CSMD1: variants seen among roughly 807,000 people sequenced by gnomAD.
CSMD1 encodes CUB and sushi domain-containing protein 1.
In CSMD1, 213 loss-of-function variants were observed where a neutral mutation model predicts 417.5. The observed-to-expected ratio is 0.51, with a 90% CI of 0.46 to 0.57. The LOEUF is 0.57. CSMD1 is among the 20% of genes least tolerant of loss of function. The probability of loss-of-function intolerance (pLI) is 0.00; values close to 1 mark genes in which losing one functional copy is unlikely to be tolerated. For synonymous variants in CSMD1, 2,862 were observed against 1,736.8 expected, an observed-to-expected ratio of 1.65 and a Z score of -16.11; for missense variants, 6,923 against 4,529.7, an observed-to-expected ratio of 1.53 and a Z score of -15.17.
intron 1 of CSMD1, among the ~76,000 whole-genome samples, chr8:4,984,615 T>A (rs560839229): frequency 6.6e-6 from 1 of 152,238 alleles, no homozygotes; most frequent in African/African-American, 2.4e-5. Context: ...CCTCCATTAT[T>A]TGACATAGAT....
chr8:3,481,429 G>A (rs138242570), intron 11 of CSMD1, among the ~76,000 whole-genome samples: 1 of 152,240 alleles, frequency 6.6e-6, no homozygotes, highest in East Asian at 1.9e-4. Flanking sequence ...AAGGGGTAAA[G>A]GGCCCTAAAT....
chr8:4,640,769 G>C (rs560576556), intron 1 of CSMD1, among the ~76,000 whole-genome samples: 1 of 150,914 alleles, frequency 6.6e-6, no homozygotes, highest in Non-Finnish European at 1.5e-5. Flanking sequence ...ATTTCTTCAG[G>C]GCAATAAAAT....
At chr8:4,831,231 G>T (rs1048525875) in intron 1 of CSMD1, among the ~76,000 whole-genome samples, 2 of 152,192 alleles carry the variant, frequency 1.3e-5, no homozygotes, top group Non-Finnish European at 2.9e-5. Context: ...CTGACAAAAA[G>T]AGGGAGAATT....
intron 2 of CSMD1, among the ~76,000 whole-genome samples, chr8:4,560,249 T>A (rs987680776): frequency 6.6e-6 from 1 of 152,254 alleles, no homozygotes; most frequent in African/African-American, 2.4e-5. Flanking sequence ...CCTGCCAAAG[T>A]AATTTCACAA....
intron 3 of CSMD1, among the ~76,000 whole-genome samples, chr8:4,315,737 A>T (rs997277699): frequency 2.0e-5 from 3 of 152,216 alleles, no homozygotes; most frequent in African/African-American, 7.2e-5. Context: ...TGCAAAAAAG[A>T]AACTGAATGA....
At chr8:3,348,461 G>T (rs548879057) in intron 21 of CSMD1, among the ~76,000 whole-genome samples, 114 of 152,182 alleles carry the variant, frequency 7.5e-4, no homozygotes, top group Non-Finnish European at 1.2e-3. Flanking sequence ...CCAGCACCAT[G>T]GCTCACTGGC....
intron 1 of CSMD1, among the ~76,000 whole-genome samples, chr8:4,799,123 G>T (rs1010589678): frequency 6.6e-6 from 1 of 152,246 alleles, no homozygotes; most frequent in Non-Finnish European, 1.5e-5. Flanking sequence ...ACGCCCCTGG[G>T]ATCTTGATCA....
rs530647362 is a variant in CSMD1 at position 4,532,412 on chromosome 8, G to T, written c.302+104930C>A. On this transcript the variant is annotated intron_variant, in intron 2 of 69. Coordinates refer to ENST00000635120, the MANE Select transcript of CSMD1 (RefSeq NM_033225.6). ...TCCTGCACCCCCATTCAGTCACTCC[G>T]GAAAATAAATCCTGCACCTTCATTC... 2.2e-5 allele frequency among the ~76,000 whole-genome samples: 3 copies of T among 138,596 alleles called. No individual in the cohort carries two copies. The East Asian group carries it at 6.7e-4, about 31-fold the overall frequency. The allele number at this position is 138,596 out of a possible 152,430, so 90.9% of individuals were successfully genotyped here. A position where few individuals can be genotyped will look rare whatever the true frequency, so the allele number is the denominator to read the frequency against.
At chr8:4,295,773 TATATATATATATATAC>T (rs1313977104) in intron 3 of CSMD1, among the ~76,000 whole-genome samples, 153 of 42,214 alleles carry the variant, frequency 3.6e-3, no homozygotes, top group East Asian at 0.011. Flanking sequence ...TATATATATA[TATATATATATATATAC>T]ACACACACAT....
At chr8:4,931,526 G>T (rs914600643) in intron 1 of CSMD1, among the ~76,000 whole-genome samples, 3 of 152,048 alleles carry the variant, frequency 2.0e-5, no homozygotes, top group Admixed American at 6.6e-5. Flanking sequence ...ACCATCCAAC[G>T]CAAGGTGACT....
In CSMD1 at chr8:3,720,419, T is replaced by C. The variant is rs192283358; in HGVS notation, c.932-11928A>G. On this transcript the variant is annotated intron_variant, in intron 6 of 69. Transcript: ENST00000635120. ...AGCTGTCCAGGCACAACAACCTCAC[T>C]GTAAACTATTTCCTTTAAGCACTTC... Among the ~76,000 whole-genome samples the C allele has an allele frequency of 9.2e-5, 14 of 152,318 alleles. No homozygotes were observed. The East Asian group carries it at 2.3e-3, about 25-fold the overall frequency.
intron 2 of CSMD1, among the ~76,000 whole-genome samples, chr8:4,624,618 C>T (rs1801990275): frequency 6.6e-6 from 1 of 152,184 alleles, no homozygotes. Context: ...GGACACGCCT[C>T]ACATTTTTGC....
intron 5 of CSMD1, among the ~76,000 whole-genome samples, chr8:3,979,802 T>A (rs1422186441): frequency 1.3e-5 from 2 of 152,214 alleles, no homozygotes; most frequent in East Asian, 3.9e-4. Flanking sequence ...GGTATCTTGT[T>A]ATGACAATAC....
chr8:4,353,392 C>G (rs146907333), intron 3 of CSMD1, among the ~76,000 whole-genome samples: 1 of 152,150 alleles, frequency 6.6e-6, no homozygotes, highest in African/African-American at 2.4e-5. Context: ...CCGTGTGGAA[C>G]TGTGAGTCCA....
At chr8:4,083,511 G>T (rs377666013) in intron 3 of CSMD1, among the ~76,000 whole-genome samples, 1 of 152,140 alleles carries the variant, frequency 6.6e-6, no homozygotes, top group African/African-American at 2.4e-5. Context: ...CAATGGAACA[G>T]AACACAGCCT....
At chr8:3,533,146 G>C (rs1798049978) in intron 10 of CSMD1, among the ~76,000 whole-genome samples, 1 of 152,118 alleles carries the variant, frequency 6.6e-6, no homozygotes, top group Admixed American at 6.5e-5. Flanking sequence ...TGCAGAGGAA[G>C]AAATTTAAAG....
intron 5 of CSMD1, among the ~76,000 whole-genome samples, chr8:3,906,559 T>C (rs1320964719): frequency 6.6e-6 from 1 of 150,644 alleles, no homozygotes; most frequent in Non-Finnish European, 1.5e-5. Flanking sequence ...GGCAGAAATA[T>C]AAGCTGTACC....
At chr8:3,183,082 G>A (rs866924591) in intron 36 of CSMD1, 2 of 151,840 alleles carry the variant, frequency 1.3e-5, no homozygotes, top group East Asian at 1.9e-4. Context: ...TAAACATGAA[G>A]TGTGTCGAAC....
At chr8:4,438,819 C>A (rs1269737759) in intron 2 of CSMD1, among the ~76,000 whole-genome samples, 1 of 152,184 alleles carries the variant, frequency 6.6e-6, no homozygotes, top group Non-Finnish European at 1.5e-5. Context: ...TATTCAAGAT[C>A]TAATTCTCAA....
Sources: gnomAD v4.1 joint callset for allele counts (sites outside exome capture counted in the v4.1 genomes callset) on GRCh38, gnomAD v4.1.1 for gene constraint, MANE v1.5 for transcripts, NCBI Gene and HGNC (gene_info 2026-07-23, HGNC 2026-07-21) for gene names.